The following MTA3 variants were observed in gnomAD, a reference collection of about 807,000 sequenced individuals.
MTA3 encodes metastasis-associated protein MTA3.
MTA3 carries 34 observed loss-of-function variants against 83.5 expected under a neutral mutation model. The observed-to-expected ratio is 0.41, with a 90% confidence interval of 0.31 to 0.54. The LOEUF is 0.54. Among genes scored for constraint, MTA3 ranks in the 20% least tolerant of loss-of-function variants. The pLI, the probability that MTA3 is intolerant of heterozygous loss-of-function variation, is 0.33. For missense variants in MTA3, 761 were observed against 726.4 expected (o/e 1.05, Z -0.55); for synonymous variants, 303 against 252.7 (o/e 1.20, Z -1.89).
intron 6 of MTA3, among the ~76,000 whole-genome samples, chr2:42,655,777 A>G (rs1226594008): frequency 1.3e-5 from 2 of 151,988 alleles, no homozygotes; most frequent in East Asian, 1.9e-4. Context: ...TAATTTTTGT[A>G]TTTTTAGTAG....
chr2:42,615,881 C>T (rs148789651), intron 4 of MTA3, among the ~76,000 whole-genome samples: 4,311 of 150,184 alleles, frequency 0.029, 81 homozygotes, highest in Non-Finnish European at 0.04. Context: ...CCACCATGCC[C>T]GGCTAATTTT....
intron 2 of MTA3, among the ~76,000 whole-genome samples, chr2:42,503,735 T>A (rs1018135696): frequency 6.6e-6 from 1 of 151,984 alleles, no homozygotes; most frequent in Non-Finnish European, 1.5e-5. Context: ...CAAAGCCAGG[T>A]GTGGTAGTGT....
intron 3 of MTA3, among the ~76,000 whole-genome samples, chr2:42,579,826 A>G (rs1375783975): frequency 6.6e-6 from 1 of 151,968 alleles, no homozygotes; most frequent in Non-Finnish European, 1.5e-5. Context: ...CTAGGATTAC[A>G]TGCATGAGCT....
At chr2:42,635,583 C>T (rs1195296686) in intron 4 of MTA3, among the ~76,000 whole-genome samples, 1 of 151,832 alleles carries the variant, frequency 6.6e-6, no homozygotes, top group Non-Finnish European at 1.5e-5. Context: ...AGGATAAGAT[C>T]ACACCACTTG....
intron 2 of MTA3, among the ~76,000 whole-genome samples, chr2:42,506,454 A>C (rs1674633954): frequency 6.6e-6 from 1 of 151,896 alleles, no homozygotes; most frequent in African/African-American, 2.4e-5. Context: ...ACCTTGTCTC[A>C]AATATTATAT....
intron 7 of MTA3, among the ~76,000 whole-genome samples, chr2:42,658,381 A>G (rs927321705): frequency 2.0e-5 from 3 of 152,192 alleles, no homozygotes; most frequent in Admixed American, 2.0e-4. Flanking sequence ...TTATGGCACT[A>G]TTCATAGTAA....
chr2:42,697,961 GACTT>G (rs1693536571), intron 11 of MTA3, 127 bp downstream of exon 11: 1 of 617,680 alleles, frequency 1.6e-6, no homozygotes. Context: ...CAAAGCATGA[GACTT>G]ACTATTATAC....
chr2:42,739,603 A>G (rs999557291), intron 16 of MTA3, among the ~76,000 whole-genome samples: 2 of 152,214 alleles, frequency 1.3e-5, no homozygotes, highest in African/African-American at 2.4e-5. Context: ...GTAAGACCAC[A>G]TTGACATTTG....
intron 16 of MTA3, among the ~76,000 whole-genome samples, chr2:42,735,844 T>C (rs1668569341): frequency 6.6e-6 from 1 of 152,208 alleles, no homozygotes; most frequent in African/African-American, 2.4e-5. Flanking sequence ...AATTTTATTC[T>C]ATTATTGAAT....
Position 42,579,123 on chromosome 2 carries a change from T to C in MTA3, c.113T>C (p.Val38Ala). The C allele has an allele frequency of 6.2e-7, 1 of 1,606,810 alleles. No homozygotes were observed. Among genetic ancestry groups the C allele is most frequent in the Non-Finnish European group, 8.5e-7 (1 of 1,176,880 alleles). Reference protein sequence around the residue: ...EELNKTASGNVEAKVVCFYRR... With the variant: ...EELNKTASGNAEAKVVCFYRR... ...ATCTCTTAGACTGCAAGTGGCAACG[T>C]GGAAGCAAAAGTAGTATGCTTTTAT... is the stretch of plus-strand genomic sequence containing the variant. The change falls in exon 3 of 17, where the codon GTG becomes GCG. Residue 38 changes from valine to alanine, a missense_variant. Val to Ala is a moderately conservative substitution (Grantham distance 64). Coordinates refer to ENST00000405094, the MANE Select transcript of MTA3 (RefSeq NM_001330442.2).
At chr2:42,518,335 A>G (rs1388963040) in intron 2 of MTA3, among the ~76,000 whole-genome samples, 5 of 152,218 alleles carry the variant, frequency 3.3e-5, no homozygotes, top group Admixed American at 3.3e-4. Context: ...AGATGAACTT[A>G]GAGTGTCTTA....
intron 5 of MTA3, among the ~76,000 whole-genome samples, chr2:42,643,371 T>C (rs1687879335): frequency 6.6e-6 from 1 of 152,084 alleles, no homozygotes. Flanking sequence ...GTTCAGATAA[T>C]CTCTAGTGGT....
intron 14 of MTA3, 187 bp downstream of exon 14, chr2:42,709,283 A>G (rs1321949122): frequency 1.4e-5 from 20 of 1,419,728 alleles, no homozygotes; most frequent in Middle Eastern, 2.6e-4. Flanking sequence ...AACCTGGAAA[A>G]AAAAAATCAA....
chr2:42,563,734 G>A (rs1017630540), upstream of MTA3, among the ~76,000 whole-genome samples: 3 of 151,986 alleles, frequency 2.0e-5, no homozygotes, highest in African/African-American at 2.4e-5. Context: ...CCAAAGTGCT[G>A]GGATTACAGG....
intron 16 of MTA3, among the ~76,000 whole-genome samples, chr2:42,748,537 T>C (rs554573618): frequency 1.3e-5 from 2 of 152,216 alleles, no homozygotes; most frequent in Non-Finnish European, 2.9e-5. Flanking sequence ...TTTTCAGTTT[T>C]CAGATTTCCA....
At chr2:42,566,081 C>T (rs906190876), upstream of MTA3, among the ~76,000 whole-genome samples, 1 of 152,136 alleles carries the variant, frequency 6.6e-6, no homozygotes, top group Non-Finnish European at 1.5e-5. Context: ...TGTAACCCCT[C>T]TTGAGGCTCA....
intron 8 of MTA3, among the ~76,000 whole-genome samples, chr2:42,679,432 C>A (rs1274977580): frequency 1.3e-5 from 2 of 152,116 alleles, no homozygotes; most frequent in African/African-American, 4.8e-5. Context: ...GGCCAATGTG[C>A]AACTAGGCTT....
intron 2 of MTA3, 46 bp from the exon 3 acceptor site, chr2:42,579,061 A>T: frequency 7.8e-7 from 1 of 1,279,702 alleles, no homozygotes; most frequent in South Asian, 1.4e-5. Flanking sequence ...AAATTATTTG[A>T]CTCTAATATT....
chr2:42,502,923 C>T (rs1674463527), intron 2 of MTA3, among the ~76,000 whole-genome samples: 1 of 151,070 alleles, frequency 6.6e-6, no homozygotes, highest in Non-Finnish European at 1.5e-5. Context: ...GATCGCACCA[C>T]TGCAGTCCAG....
Sources: gnomAD v4.1 joint callset for allele counts (sites outside exome capture counted in the v4.1 genomes callset) on GRCh38, gnomAD v4.1.1 for gene constraint, MANE v1.5 for transcripts, NCBI Gene and HGNC (gene_info 2026-07-23, HGNC 2026-07-21) for gene names.